Variants in CD47 observed in about 807,000 individuals in gnomAD.
The protein encoded by CD47 is CD47 molecule.
A neutral mutation model predicts 44.6 loss-of-function variants in CD47; 11 were observed. The ratio of observed to expected loss-of-function variants is 0.25; its 90% CI spans 0.16 to 0.41. The LOEUF is 0.41. Ranked by LOEUF, CD47 falls within the 10% of genes least tolerant of loss-of-function variation. The probability of loss-of-function intolerance (pLI) is 1.00; values close to 1 mark genes in which losing one functional copy is unlikely to be tolerated. For synonymous variants in CD47, 140 were observed against 136.3 expected (o/e 1.03, Z -0.19); for missense variants, 306 against 386.7 (o/e 0.79, Z 1.75).
chr3:108,066,663 G>GATATCCATGGATAATGGATAAA (rs2079110281), intron 3 of CD47, among the ~76,000 whole-genome samples: 1 of 152,150 alleles, frequency 6.6e-6, no homozygotes, highest in African/African-American at 2.4e-5. Flanking sequence ...GAGGAAACTA[G>GATATCCATGGATAATGGATAAA]GCAAGAAAGA....
Position 108,055,695 on chromosome 3 carries a change from C to T in CD47, c.877+1782G>A, listed in dbSNP as rs2108228113. On this transcript the variant is annotated intron_variant, in intron 7 of 10. Coordinates refer to ENST00000361309, the MANE Select transcript of CD47 (RefSeq NM_001777.4). ...TTTTAGCATATAGTATACTTATATG[C>T]TAACCTATGACAAAGAAAAAATAAT... 4 of 422,126 alleles carry T rather than the reference C, an allele frequency of 9.5e-6. No individual in the cohort carries two copies. The East Asian group carries it at 2.2e-4, about 23-fold the overall frequency. The allele number at this position is 422,126 out of a possible 1,614,324, so 26.1% of individuals were successfully genotyped here. A position where few individuals can be genotyped will look rare whatever the true frequency, so the allele number is the denominator to read the frequency against.
At chr3:108,068,679 G>A (rs1239586582) in intron 3 of CD47, among the ~76,000 whole-genome samples, 3 of 152,078 alleles carry the variant, frequency 2.0e-5, no homozygotes, top group Non-Finnish European at 2.9e-5. Context: ...TCTACAAAAC[G>A]GGAATAACAA....
chr3:108,079,928 T>G, intron 2 of CD47, 63 bp downstream of exon 2: 1 of 1,123,738 alleles, frequency 8.9e-7, no homozygotes, highest in Non-Finnish European at 1.3e-6. Flanking sequence ...TTTGGCCTCC[T>G]CTCGAAAGAG....
At chr3:108,078,139 G>A (rs1051075268) in intron 2 of CD47, among the ~76,000 whole-genome samples, 25 of 151,996 alleles carry the variant, frequency 1.6e-4, no homozygotes, top group African/African-American at 4.8e-4. Flanking sequence ...TCTTTGAATC[G>A]TCCTGTAAAT....
chr3:108,056,144 G>C (rs2078909952), intron 7 of CD47, among the ~76,000 whole-genome samples: 1 of 152,182 alleles, frequency 6.6e-6, no homozygotes, highest in African/African-American at 2.4e-5. Flanking sequence ...ATGGTGATTG[G>C]AAGATGTAAC....
At chr3:108,071,838 A>ATT (rs2079208544) in intron 2 of CD47, among the ~76,000 whole-genome samples, 1 of 152,164 alleles carries the variant, frequency 6.6e-6, no homozygotes, top group South Asian at 2.1e-4. Context: ...CTCTCTTCTC[A>ATT]TTGTGGTTAA....
At chr3:108,057,955 A>G (rs933697146) in intron 6 of CD47, among the ~76,000 whole-genome samples, 4 of 152,322 alleles carry the variant, frequency 2.6e-5, no homozygotes, top group East Asian at 3.9e-4. Context: ...ACTGGGGTAA[A>G]TTGGAAGTTT....
chr3:108,047,655 G>T (rs150781554), intron 10 of CD47, among the ~76,000 whole-genome samples: 2 of 152,268 alleles, frequency 1.3e-5, no homozygotes, highest in East Asian at 3.9e-4. Flanking sequence ...ATAAACATCT[G>T]ATCAGCTGTA....
intron 3 of CD47, among the ~76,000 whole-genome samples, chr3:108,061,118 G>T (rs140550852): frequency 6.6e-6 from 1 of 150,924 alleles, no homozygotes; most frequent in Admixed American, 6.6e-5. Context: ...AGTCTTTCTC[G>T]GTTGATGTAT....
intron 3 of CD47, among the ~76,000 whole-genome samples, chr3:108,070,482 A>G (rs1196235021): frequency 6.6e-6 from 1 of 152,208 alleles, no homozygotes; most frequent in Non-Finnish European, 1.5e-5. Context: ...GTGTTGTTGA[A>G]GCTAAATCTA....
At chr3:108,086,641 T>G (rs2079527285) in intron 1 of CD47, among the ~76,000 whole-genome samples, 1 of 152,294 alleles carries the variant, frequency 6.6e-6, no homozygotes, top group African/African-American at 2.4e-5. Context: ...CAGTGATTCT[T>G]TTACAATAAA....
At chr3:108,062,818 T>TC (rs2108239907) in intron 3 of CD47, among the ~76,000 whole-genome samples, 1 of 145,820 alleles carries the variant, frequency 6.9e-6, no homozygotes, top group South Asian at 2.3e-4. Context: ...ATTTTTGAAT[T>TC]CTTTTTTTTT....
At chr3:108,050,149 C>T (rs1461320411) in intron 9 of CD47, among the ~76,000 whole-genome samples, 1 of 152,012 alleles carries the variant, frequency 6.6e-6, no homozygotes, top group Non-Finnish European at 1.5e-5. Flanking sequence ...GACAGAGTCT[C>T]ACTCTGTCAC....
rs1356016822 is a variant in CD47 at position 108,080,352 on chromosome 3, G to A, written c.47-8C>T. 2.1e-6 allele frequency: 3 copies of A among 1,435,622 alleles called. No individual in the cohort carries two copies. Among genetic ancestry groups the A allele is most frequent in the African/African-American group, 1.4e-5 (1 of 69,880 alleles). 88.9% of individuals were successfully genotyped at this position (1,435,622 alleles called of 1,614,324 possible). ...ATAGTAGCTGAGCTGATCCTGGAAA[G>A]GAAAAAGAAAAATGTTTCATTAATT... is the stretch of plus-strand genomic sequence containing the variant. On this transcript the variant is annotated splice_region_variant and splice_polypyrimidine_tract_variant and intron_variant, in intron 1 of 10. Transcript: ENST00000361309.
At chr3:108,056,171 C>T (rs182137815) in intron 7 of CD47, among the ~76,000 whole-genome samples, 5 of 152,158 alleles carry the variant, frequency 3.3e-5, no homozygotes, top group African/African-American at 1.2e-4. Context: ...AGAATATGCA[C>T]CAACATTCAA....
At chr3:108,074,145 A>G (rs2079260586) in intron 2 of CD47, among the ~76,000 whole-genome samples, 1 of 152,164 alleles carries the variant, frequency 6.6e-6, no homozygotes, top group Non-Finnish European at 1.5e-5. Flanking sequence ...TCAGTAAAAA[A>G]TCTGAATCGC....
chr3:108,084,870 G>A (rs1231817103), intron 1 of CD47, among the ~76,000 whole-genome samples: 3 of 151,868 alleles, frequency 2.0e-5, no homozygotes, highest in Non-Finnish European at 4.4e-5. Flanking sequence ...CTCCCCCCTC[G>A]AACTACTGCC....
At chr3:108,049,320 T>C (rs925835573) in intron 10 of CD47, among the ~76,000 whole-genome samples, 4 of 152,232 alleles carry the variant, frequency 2.6e-5, no homozygotes, top group African/African-American at 9.6e-5. Flanking sequence ...ATAAAAGGCA[T>C]CTTAAAGTTA....
At chr3:108,052,739 G>C (rs2078850041) in intron 7 of CD47, 1 of 152,376 alleles carries the variant, frequency 6.6e-6, no homozygotes, top group Non-Finnish European at 1.5e-5. Context: ...TAGATTGCTT[G>C]AGCTCAGGCA....
Sources: allele counts gnomAD v4.1 joint callset (sites outside exome capture counted in the v4.1 genomes callset), GRCh38; gene constraint gnomAD v4.1.1; transcripts MANE v1.5; gene names NCBI Gene and HGNC (gene_info 2026-07-23, HGNC 2026-07-21).